PPP2R2C: variants seen among roughly 807,000 people sequenced by gnomAD.
The protein encoded by PPP2R2C is protein phosphatase 2 regulatory subunit Bgamma, also known as protein phosphatase 2, regulatory subunit B, gamma.
Under a neutral mutation model 45.3 loss-of-function variants are expected in PPP2R2C, and 10 were observed. That is an observed-to-expected ratio of 0.22 (90% CI 0.14 to 0.37). The LOEUF is 0.37. PPP2R2C is among the 10% of genes least tolerant of loss of function. PPP2R2C has a pLI of 1.00. For missense variants in PPP2R2C, 308 were observed against 619.7 expected (o/e 0.50, Z 5.34); for synonymous variants, 257 against 245.4 (o/e 1.05, Z -0.44).
chr4:6,335,119 A>G (rs1732743779), intron 6 of PPP2R2C, among the ~76,000 whole-genome samples: 1 of 152,182 alleles, frequency 6.6e-6, no homozygotes, highest in Non-Finnish European at 1.5e-5. Flanking sequence ...TGCAAACAGC[A>G]CCTACTCTGT....
At chr4:6,469,408 A>C (rs1721748089) in intron 1 of PPP2R2C, among the ~76,000 whole-genome samples, 1 of 152,108 alleles carries the variant, frequency 6.6e-6, no homozygotes, top group Non-Finnish European at 1.5e-5. Context: ...AGACTCAACC[A>C]CAGGTAGAAC....
chr4:6,464,506 G>A (rs928337528), intron 1 of PPP2R2C, among the ~76,000 whole-genome samples: 1 of 152,168 alleles, frequency 6.6e-6, no homozygotes, highest in Non-Finnish European at 1.5e-5. Context: ...AGAATCTAAT[G>A]TCACCCTGGC....
chr4:6,372,838 T>C lies in PPP2R2C; in HGVS notation c.448-138A>G. ...CATCCTGATCCTCCGTGGTCTGAAA[T>C]AGGCAGTGACAGATGGCAAATGCCC... On this transcript the variant is annotated intron_variant, in intron 4 of 8. Transcript: ENST00000382599. 6 of 856,738 alleles carry C rather than the reference T, an allele frequency of 7.0e-6. No individual in the cohort carries two copies. In the South Asian group the frequency reaches 8.6e-5, roughly 12 times the overall value. The allele number at this position is 856,738 out of a possible 1,614,324, so 53.1% of individuals were successfully genotyped here.
rs972291131 is a variant in PPP2R2C at position 6,368,691 on chromosome 4, T to C, written c.625+3832A>G. Among the ~76,000 whole-genome samples the C allele has an allele frequency of 5.3e-5, 8 of 152,108 alleles. No individual in the cohort carries two copies. In the East Asian group the frequency reaches 1.5e-3, roughly 29 times the overall value. On this transcript the variant is annotated intron_variant, in intron 5 of 8. Transcript: ENST00000382599. The surrounding 1 kb of genome is among the most constrained non-coding windows in gnomAD (Gnocchi z 4.2). ...TGATACAATCCAAATCTATGACACC[T>C]CCATCCTTACAATCTCATTCCTCCA... is the stretch of plus-strand genomic sequence containing the variant.
Position 6,563,058 on chromosome 4 carries a change from G to A in PPP2R2C, c.-59+502C>T, listed in dbSNP as rs1446866896. ...GCAGCGGGAGGAGCGCGTAGACGCT[G>A]CTGGATGGTACCCGCGGCCGGGACT... On this transcript the variant is annotated intron_variant, in intron 1 of 9. Coordinates refer to the PPP2R2C transcript ENST00000506140. The surrounding 1 kb of genome is among the most constrained non-coding windows in gnomAD (Gnocchi z 5.8). 1.3e-5 allele frequency among the ~76,000 whole-genome samples: 2 copies of A among 152,132 alleles called. No individual in the cohort carries two copies. The highest frequency in any genetic ancestry group is 4.8e-5 in the African/African-American group (2 of 41,424).
intron 1 of PPP2R2C, among the ~76,000 whole-genome samples, chr4:6,407,259 G>A (rs540197262): frequency 1.3e-5 from 2 of 152,330 alleles, no homozygotes; most frequent in African/African-American, 4.8e-5. Flanking sequence ...GTGCCACATG[G>A]CCTTACAAGT....
chr4:6,531,939 A>G (rs1456149863), intron 2 of PPP2R2C, among the ~76,000 whole-genome samples: 2 of 152,198 alleles, frequency 1.3e-5, no homozygotes, highest in Non-Finnish European at 2.9e-5. Flanking sequence ...CGGTCTTCCC[A>G]GGTCTCATCC....
intron 5 of PPP2R2C, among the ~76,000 whole-genome samples, chr4:6,352,612 T>C (rs1319734533): frequency 1.3e-5 from 2 of 152,186 alleles, no homozygotes; most frequent in African/African-American, 2.4e-5. Flanking sequence ...GCAAGAAAAG[T>C]TTGTCAGACA....
chr4:6,404,029 C>T (rs994290582), intron 1 of PPP2R2C, among the ~76,000 whole-genome samples: 11 of 152,184 alleles, frequency 7.2e-5, no homozygotes, highest in Admixed American at 2.0e-4. Context: ...TTGTCTGTGA[C>T]ATGACCTGCC....
chr4:6,419,612 G>T (rs938275398), intron 1 of PPP2R2C, among the ~76,000 whole-genome samples: 3 of 152,076 alleles, frequency 2.0e-5, no homozygotes, highest in African/African-American at 7.2e-5. Context: ...GGGATGTTAG[G>T]GCCTGGGATG....
rs111635319 is a variant in PPP2R2C at position 6,382,242 on chromosome 4, G to A, written c.71-1148C>T. On this transcript the variant is annotated intron_variant, in intron 1 of 8. Transcript: ENST00000382599. ...GCAAAAGCTAGTAGGAGCCCGGGAT[G>A]GCCCGCTGCTGTGAATGGGACCTCT... 1,933 of 1,214,266 alleles carry A rather than the reference G, an allele frequency of 1.6e-3. 30 individuals are homozygous for A. The African/African-American group carries it at 0.026, about 16-fold the overall frequency. The allele number at this position is 1,214,266 out of a possible 1,614,324, so 75.2% of individuals were successfully genotyped here. A position where few individuals can be genotyped will look rare whatever the true frequency, so the allele number is the denominator to read the frequency against.
chr4:6,372,057 C>G (rs1714872895), intron 5 of PPP2R2C, among the ~76,000 whole-genome samples: 1 of 152,244 alleles, frequency 6.6e-6, no homozygotes, highest in African/African-American at 2.4e-5. Flanking sequence ...CCCAACCCAG[C>G]TGGGCTTCTG....
intron 1 of PPP2R2C, among the ~76,000 whole-genome samples, chr4:6,559,643 A>G (rs1725513995): frequency 6.6e-6 from 1 of 152,046 alleles, no homozygotes; most frequent in Non-Finnish European, 1.5e-5. Context: ...AGATATGAGG[A>G]GCCGGGCCCT....
intron 1 of PPP2R2C, among the ~76,000 whole-genome samples, chr4:6,469,270 T>C (rs1721738604): frequency 6.6e-6 from 1 of 151,708 alleles, no homozygotes. Context: ...AAAGAGTCAG[T>C]GGTGAGAAAG....
rs1398772436 is a variant in PPP2R2C at position 6,563,586 on chromosome 4, C to G, written c.-85G>C. ...TTCGGAAACTTCGAGGTCGGCGGCC[C>G]CATTGAGCTGGCACAGGCACCAGGA... is the stretch of plus-strand genomic sequence containing the variant. On this transcript the variant is annotated 5_prime_UTR_variant, in exon 1 of 10. Coordinates refer to the PPP2R2C transcript ENST00000506140. This position sits in a 1 kb window ranked among gnomAD's most constrained non-coding sequence, Gnocchi z 5.8. The G allele has an allele frequency of 1.3e-5, 2 of 152,736 alleles. No individual in the cohort carries two copies. The highest frequency in any genetic ancestry group is 2.4e-5 in the African/African-American group (1 of 41,268). The allele number at this position is 152,736 out of a possible 1,614,324, so 9.5% of individuals were successfully genotyped here. A position where few individuals can be genotyped will look rare whatever the true frequency, so the allele number is the denominator to read the frequency against.
chr4:6,421,731 C>A (rs1718984350), intron 1 of PPP2R2C, among the ~76,000 whole-genome samples: 1 of 152,210 alleles, frequency 6.6e-6, no homozygotes, highest in Non-Finnish European at 1.5e-5. Flanking sequence ...GGAGGCCCAG[C>A]CTCCCTGGGG....
At chr4:6,433,354 C>A (rs1163105301) in intron 1 of PPP2R2C, among the ~76,000 whole-genome samples, 2 of 152,202 alleles carry the variant, frequency 1.3e-5, no homozygotes, top group Admixed American at 1.3e-4. Context: ...CTTTCATATC[C>A]ATTTCCAGTG....
At chr4:6,492,942 G>A in intron 2 of PPP2R2C, among the ~76,000 whole-genome samples, 1 of 152,058 alleles carries the variant, frequency 6.6e-6, no homozygotes, top group East Asian at 1.9e-4. Context: ...AGTGGCCTGG[G>A]GACCCTATAG....
At chr4:6,506,022 C>T (rs1723217679) in intron 2 of PPP2R2C, among the ~76,000 whole-genome samples, 1 of 152,054 alleles carries the variant, frequency 6.6e-6, no homozygotes, top group Non-Finnish European at 1.5e-5. Flanking sequence ...TGAAATACTG[C>T]TTACTGCAAC....
Sources: allele counts gnomAD v4.1 joint callset (sites outside exome capture counted in the v4.1 genomes callset), GRCh38; gene constraint gnomAD v4.1.1; non-coding constraint Gnocchi (gnomAD v3.1); transcripts MANE v1.5; gene names NCBI Gene and HGNC (gene_info 2026-07-23, HGNC 2026-07-21).